MYO16: variants seen among roughly 807,000 people sequenced by gnomAD.
MYO16 encodes unconventional myosin-XVI.
In MYO16, 94 loss-of-function variants were observed where a neutral mutation model predicts 205.3. That is an observed-to-expected ratio of 0.46 (90% CI 0.39 to 0.54). The LOEUF is 0.54. Among genes scored for constraint, MYO16 ranks in the 20% least tolerant of loss-of-function variants. MYO16 has a pLI of 0.00. For missense variants in MYO16, 2,315 were observed against 2,387.5 expected, an observed-to-expected ratio of 0.97 and a Z score of 0.63; for synonymous variants, 988 against 954.0, an observed-to-expected ratio of 1.04 and a Z score of -0.66.
intron 4 of MYO16, among the ~76,000 whole-genome samples, chr13:108,750,757 A>C: frequency 6.6e-6 from 1 of 152,260 alleles, no homozygotes; most frequent in East Asian, 1.9e-4. Context: ...CAGTGAGCTG[A>C]GATCATGCCA....
the MYO16 span, among the ~76,000 whole-genome samples, chr13:108,500,624 T>C: frequency 0.48 from 72,223 of 151,872 alleles, 17,390 homozygotes; most frequent in East Asian, 0.63. Flanking sequence ...GTCTTTACAA[T>C]GTGTCTTATA....
chr13:109,176,575 G>A (rs1402292518), intron 33 of MYO16, among the ~76,000 whole-genome samples: 5 of 25,294 alleles, frequency 2.0e-4, no homozygotes, highest in African/African-American at 9.9e-4. Context: ...ATATTGTGCT[G>A]GTAAAAAAAA....
chr13:108,559,390 C>A, the MYO16 span, among the ~76,000 whole-genome samples: 5 of 152,040 alleles, frequency 3.3e-5, no homozygotes, highest in Non-Finnish European at 7.4e-5. Flanking sequence ...GCATTTCCGG[C>A]CCCCAGGACT....
intron 31 of MYO16, among the ~76,000 whole-genome samples, chr13:109,139,185 C>T (rs1566526734): frequency 1.3e-5 from 2 of 152,174 alleles, no homozygotes; most frequent in Non-Finnish European, 1.5e-5. Context: ...TATCTTTTGA[C>T]CTCATGATCC....
intron 21 of MYO16, among the ~76,000 whole-genome samples, chr13:108,994,846 G>A (rs1328404598): frequency 6.6e-6 from 1 of 152,062 alleles, no homozygotes; most frequent in Non-Finnish European, 1.5e-5. Flanking sequence ...ATTTCATAGT[G>A]GTTCTTCTTG....
At chr13:108,734,279 A>G (rs1884619851) in intron 4 of MYO16, among the ~76,000 whole-genome samples, 1 of 152,262 alleles carries the variant, frequency 6.6e-6, no homozygotes, top group East Asian at 1.9e-4. Flanking sequence ...TAAAGACAAA[A>G]GCATTGCCCT....
intron 20 of MYO16, among the ~76,000 whole-genome samples, chr13:108,987,925 TA>T (rs1233264228): frequency 6.6e-6 from 1 of 152,202 alleles, no homozygotes; most frequent in East Asian, 1.9e-4. Context: ...ACATAAAAGG[TA>T]AAATGAAAAC....
chr13:109,019,694 C>T lies in MYO16; in HGVS notation c.2596-17C>T. 6.3e-7 allele frequency: 1 copy of T among 1,595,890 alleles called. No individual in the cohort carries two copies. On this transcript the variant is annotated splice_polypyrimidine_tract_variant and intron_variant, in intron 22 of 34. Coordinates refer to ENST00000457511, the MANE Select transcript of MYO16 (RefSeq NM_001198950.3). ...AGTAATAGACAAAACAACTCCCCAT[C>T]TCTTCTTAACTCTCAGAAGCCATCT...
At chr13:109,157,018 A>G (rs544308060) in intron 32 of MYO16, among the ~76,000 whole-genome samples, 2 of 152,210 alleles carry the variant, frequency 1.3e-5, no homozygotes, top group East Asian at 3.9e-4. Flanking sequence ...GTACAACCCC[A>G]GATGCACCCT....
the MYO16 span, among the ~76,000 whole-genome samples, chr13:108,565,124 A>G: frequency 6.6e-6 from 1 of 151,974 alleles, no homozygotes; most frequent in South Asian, 2.1e-4. Flanking sequence ...GGATTTTCTT[A>G]CCTATTCTCT....
Position 109,082,137 on chromosome 13 carries a change from G to T in MYO16, c.3336-18648G>T, listed in dbSNP as rs1338773747. 3.3e-5 allele frequency among the ~76,000 whole-genome samples: 5 copies of T among 152,126 alleles called. 1 individual carries two copies. The East Asian group carries it at 9.6e-4, about 29-fold the overall frequency. ...TCTCAACTTGGCATTTGATATTTGT[G>T]GCCTGATAATTCACCATCGTCGTAG... On this transcript the variant is annotated intron_variant, in intron 27 of 34. Coordinates refer to ENST00000457511, the MANE Select transcript of MYO16 (RefSeq NM_001198950.3).
At chr13:108,917,590 T>A (rs1881554027) in intron 16 of MYO16, among the ~76,000 whole-genome samples, 2 of 110,590 alleles carry the variant, frequency 1.8e-5, no homozygotes, top group African/African-American at 7.0e-5. Flanking sequence ...AGCCTATAGA[T>A]GAATATTGCA....
chr13:109,165,108 T>C (rs368377611), intron 33 of MYO16, 49 bp downstream of exon 33: 28 of 1,407,474 alleles, frequency 2.0e-5, no homozygotes, highest in Non-Finnish European at 2.5e-5. Context: ...TTTTAGGCTG[T>C]ATCAACTTTC....
chr13:108,559,514 G>T, the MYO16 span, among the ~76,000 whole-genome samples: 274 of 121,132 alleles, frequency 2.3e-3, 1 homozygote, highest in South Asian at 3.5e-3. Context: ...TTGCTCTGTC[G>T]CCAGGCTGGA....
In MYO16 at chr13:109,113,673, G is replaced by C. The variant is rs151049578; in HGVS notation, c.3439-6697G>C. On this transcript the variant is annotated intron_variant, in intron 28 of 34. Transcript: ENST00000457511. ...AGAAAAGCTGTAAACATACTTAGGT[G>C]ATGCTTGGGGTTCTGGCTTGGGTGA... Among the ~76,000 whole-genome samples the C allele has an allele frequency of 1.8e-4, 28 of 152,314 alleles. No homozygotes were observed. The Middle Eastern group carries it at 0.01, about 56-fold the overall frequency.
At chr13:108,713,997 T>A (rs1883825418) in intron 3 of MYO16, among the ~76,000 whole-genome samples, 1 of 152,092 alleles carries the variant, frequency 6.6e-6, no homozygotes, top group Non-Finnish European at 1.5e-5. Flanking sequence ...CTGCTAAGAG[T>A]CTTCCATAGA....
chr13:108,591,329 A>G (rs970833065), upstream of MYO16, among the ~76,000 whole-genome samples: 1 of 152,346 alleles, frequency 6.6e-6, no homozygotes, highest in African/African-American at 2.4e-5. Flanking sequence ...AAATGGAGTT[A>G]GTTGTTAAAA....
In MYO16 at chr13:109,162,186, T is replaced by G. The variant is rs899272463; in HGVS notation, c.5165-2715T>G. On this transcript the variant is annotated intron_variant, in intron 32 of 34. Transcript: ENST00000457511. This position sits in a 1 kb window ranked among gnomAD's most constrained non-coding sequence, Gnocchi z 4.6. ...AACTTTAATTGCAAAAATGAGAATT[T>G]TGGCTGCAATTTAAATACATCAGTT... 6.6e-6 allele frequency among the ~76,000 whole-genome samples: 1 copy of G among 152,196 alleles called. No individual in the cohort carries two copies. Among genetic ancestry groups the G allele is most frequent in the Non-Finnish European group, 1.5e-5 (1 of 68,030 alleles).
intron 1 of MYO16, among the ~76,000 whole-genome samples, chr13:108,638,857 G>C (rs1338315362): frequency 1.3e-5 from 2 of 152,162 alleles, no homozygotes; most frequent in Non-Finnish European, 2.9e-5. Flanking sequence ...AGGAAGGTGT[G>C]TGCGGAGCTG....
Sources: gnomAD v4.1 joint callset for allele counts (sites outside exome capture counted in the v4.1 genomes callset) on GRCh38, gnomAD v4.1.1 for gene constraint, Gnocchi (gnomAD v3.1) non-coding constraint, MANE v1.5 for transcripts, NCBI Gene and HGNC (gene_info 2026-07-23, HGNC 2026-07-21) for gene names.